The following GAS7 variants were observed in gnomAD, a reference collection of about 807,000 sequenced individuals.
GAS7 encodes the protein growth arrest specific 7.
A neutral mutation model predicts 71.1 loss-of-function variants in GAS7; 28 were observed. The observed-to-expected ratio is 0.39, with a 90% confidence interval of 0.29 to 0.54. GAS7 has a LOEUF of 0.54. GAS7 is among the 20% of genes least tolerant of loss of function. GAS7 has a pLI of 0.62. For missense variants in GAS7, 436 were observed against 627.8 expected (o/e 0.69, Z 3.27); for synonymous variants, 258 against 245.8 (o/e 1.05, Z -0.46).
intron 2 of GAS7, among the ~76,000 whole-genome samples, chr17:10,009,811 A>AAAAAT (rs556375229): frequency 6.6e-6 from 1 of 152,124 alleles, no homozygotes; most frequent in Non-Finnish European, 1.5e-5. Flanking sequence ...AGTCAACTAA[A>AAAAAT]AAAATAAAAT....
chr17:10,121,963 T>G (rs969538318), intron 1 of GAS7, among the ~76,000 whole-genome samples: 2 of 152,140 alleles, frequency 1.3e-5, no homozygotes, highest in Admixed American at 6.6e-5. Context: ...CCAGGCTACC[T>G]GGAACCTCCA....
At position 9,946,959 on chromosome 17, in the gene GAS7, G is replaced by T; in HGVS notation, c.550C>A (p.Pro184Thr). ...ITINCVTFPHPDTMPEQQLLK... is the reference protein window; with the variant it reads ...ITINCVTFPHTDTMPEQQLLK... ...AGCTGCTGTTCCGGCATCGTGTCTGGGTGAGGGAACGTCACACAGTTTATC... is the reference window on the plus strand; with the variant it reads ...AGCTGCTGTTCCGGCATCGTGTCTGTGTGAGGGAACGTCACACAGTTTATC... The change falls in exon 6 of 14, where the codon CCA becomes ACA. Residue 184 changes from proline (P) to threonine (T), a missense_variant. Physicochemically the swap from Pro to Thr is conservative, Grantham distance 38. Transcript: ENST00000432992. 2 of 1,611,884 alleles carry T rather than the reference G, an allele frequency of 1.2e-6. No homozygotes were observed. Among genetic ancestry groups the T allele is most frequent in the Non-Finnish European group, 1.7e-6 (2 of 1,178,014 alleles).
In GAS7 at chr17:10,183,703, G is replaced by T. The variant is rs188761559; in HGVS notation, c.183+14505C>A. On this transcript the variant is annotated intron_variant, in intron 1 of 13. Coordinates refer to ENST00000432992, the MANE Select transcript of GAS7 (RefSeq NM_201433.2). ...ACAAAATACAAAAAATTAGCCGGGC[G>T]TGGTGGCGGGTGCCTGTAGTCCCAG... 7.3e-4 allele frequency among the ~76,000 whole-genome samples: 111 copies of T among 152,308 alleles called. No individual in the cohort carries two copies. The South Asian group carries it at 9.5e-3, about 13-fold the overall frequency.
chr17:10,066,422 C>T (rs548357191), intron 1 of GAS7, among the ~76,000 whole-genome samples: 7 of 152,278 alleles, frequency 4.6e-5, no homozygotes, highest in Non-Finnish European at 7.4e-5. Flanking sequence ...TCAGGTGATC[C>T]GCCCGCCTCG....
At chr17:10,012,879 A>G (rs1030875259) in intron 2 of GAS7, among the ~76,000 whole-genome samples, 6 of 151,860 alleles carry the variant, frequency 4.0e-5, no homozygotes, top group Non-Finnish European at 8.8e-5. Flanking sequence ...GAGGCAGGTG[A>G]ATCACGAGAT....
chr17:10,197,231 A>G (rs1195077213), intron 1 of GAS7, among the ~76,000 whole-genome samples: 1 of 152,098 alleles, frequency 6.6e-6, no homozygotes, highest in Non-Finnish European at 1.5e-5. Flanking sequence ...TTTCTCTGTG[A>G]AGTAGGTCAA....
At chr17:10,004,390 G>A (rs534969802) in intron 2 of GAS7, among the ~76,000 whole-genome samples, 2 of 151,958 alleles carry the variant, frequency 1.3e-5, no homozygotes, top group Non-Finnish European at 2.9e-5. Flanking sequence ...TCACTGACTC[G>A]CTGGGACCTA....
At chr17:10,143,249 G>A (rs549872425) in intron 1 of GAS7, among the ~76,000 whole-genome samples, 1 of 151,544 alleles carries the variant, frequency 6.6e-6, no homozygotes, top group Non-Finnish European at 1.5e-5. Flanking sequence ...GACTATAATT[G>A]GAGATAGGCG....
chr17:10,058,035 G>A (rs112222253), intron 1 of GAS7, among the ~76,000 whole-genome samples: 13 of 152,316 alleles, frequency 8.5e-5, no homozygotes, highest in African/African-American at 2.9e-4. Flanking sequence ...TTGTTAAACA[G>A]ATGCTTGAAG....
At chr17:10,000,009 C>A (rs563665304) in intron 2 of GAS7, among the ~76,000 whole-genome samples, 1 of 151,762 alleles carries the variant, frequency 6.6e-6, no homozygotes, top group African/African-American at 2.4e-5. Context: ...AACGTCAGAG[C>A]GCATCAGAAT....
chr17:10,166,869 A>G (rs1267520817), intron 1 of GAS7, among the ~76,000 whole-genome samples: 1 of 152,132 alleles, frequency 6.6e-6, no homozygotes, highest in African/African-American at 2.4e-5. Flanking sequence ...GCCTTGGGAC[A>G]GCCCCCGCAG....
At chr17:10,109,247 C>A (rs185521139) in intron 1 of GAS7, among the ~76,000 whole-genome samples, 4 of 152,290 alleles carry the variant, frequency 2.6e-5, no homozygotes, top group Admixed American at 2.6e-4. Context: ...TACCCAACAT[C>A]ACTAATCACC....
intron 1 of GAS7, among the ~76,000 whole-genome samples, chr17:10,093,777 A>AC (rs1238129543): frequency 3.3e-5 from 5 of 152,022 alleles, no homozygotes; most frequent in Non-Finnish European, 5.9e-5. Context: ...TGTTCAGCTG[A>AC]CCCCATTTTT....
intron 1 of GAS7, among the ~76,000 whole-genome samples, chr17:10,164,818 T>A (rs550971485): frequency 3.7e-5 from 5 of 136,452 alleles, no homozygotes; most frequent in African/African-American, 1.4e-4. Context: ...CATGGTGAGA[T>A]CCTGTCTCTA....
intron 1 of GAS7, among the ~76,000 whole-genome samples, chr17:10,150,239 A>C (rs1359934929): frequency 6.6e-6 from 1 of 152,182 alleles, no homozygotes; most frequent in Non-Finnish European, 1.5e-5. Context: ...CCCAAGAGGA[A>C]GTGTGGTTGT....
intron 10 of GAS7, 56 bp from the exon 11 acceptor site, chr17:9,925,655 C>CCTT: frequency 1.3e-6 from 2 of 1,599,184 alleles, no homozygotes; most frequent in Non-Finnish European, 1.7e-6. Context: ...AGTGGGCCTC[C>CCTT]TGGGCCACGC....
chr17:9,998,306 CT>C (rs1446703679), intron 2 of GAS7, among the ~76,000 whole-genome samples: 1 of 152,238 alleles, frequency 6.6e-6, no homozygotes, highest in Non-Finnish European at 1.5e-5. Flanking sequence ...TCTCTAAGAA[CT>C]GCCCAAATCC....
intron 1 of GAS7, among the ~76,000 whole-genome samples, chr17:10,033,617 C>T (rs2072676616): frequency 1.3e-5 from 2 of 152,166 alleles, no homozygotes; most frequent in African/African-American, 4.8e-5. Context: ...AGCTGCTGCC[C>T]GCAGATGCAC....
intron 1 of GAS7, among the ~76,000 whole-genome samples, chr17:10,119,947 C>T (rs1446052511): frequency 6.6e-6 from 1 of 152,142 alleles, no homozygotes; most frequent in Non-Finnish European, 1.5e-5. Flanking sequence ...CCCAGGCACA[C>T]CAGGAGGCCA....
Sources: allele counts gnomAD v4.1 joint callset (sites outside exome capture counted in the v4.1 genomes callset), GRCh38; gene constraint gnomAD v4.1.1; transcripts MANE v1.5; gene names NCBI Gene and HGNC (gene_info 2026-07-23, HGNC 2026-07-21).